Variants in CNTNAP2 observed in about 807,000 individuals in gnomAD.
CNTNAP2 encodes contactin associated protein 2, also known as contactin-associated protein-like 2.
CNTNAP2 carries 98 observed loss-of-function variants against 155.2 expected under a neutral mutation model. That is an observed-to-expected ratio of 0.63 (90% confidence interval 0.54 to 0.75). CNTNAP2 has a LOEUF of 0.75. CNTNAP2 is among the 30% of genes least tolerant of loss of function. CNTNAP2 has a pLI of 0.00. For missense variants in CNTNAP2, 1,727 were observed against 1,688.1 expected (o/e 1.02, Z -0.40); for synonymous variants, 651 against 631.2 (o/e 1.03, Z -0.47).
chr7:148,333,805 G>A (rs1313429505), intron 21 of CNTNAP2, among the ~76,000 whole-genome samples: 1 of 151,340 alleles, frequency 6.6e-6, no homozygotes, highest in Non-Finnish European at 1.5e-5. Flanking sequence ...GTGCAAAAAT[G>A]TATGTTTATC....
chr7:147,202,887 A>G (rs919686286), intron 8 of CNTNAP2, among the ~76,000 whole-genome samples: 1 of 151,510 alleles, frequency 6.6e-6, no homozygotes, highest in African/African-American at 2.4e-5. Context: ...CAATCTTTCA[A>G]GGAATAGATC....
intron 1 of CNTNAP2, among the ~76,000 whole-genome samples, chr7:146,405,633 A>G (rs1795780252): frequency 1.3e-5 from 2 of 152,228 alleles, no homozygotes; most frequent in African/African-American, 4.8e-5. Context: ...AACAGGTAAG[A>G]CAAATTAAAC....
intron 11 of CNTNAP2, among the ~76,000 whole-genome samples, chr7:147,520,861 C>A (rs1362482550): frequency 1.3e-5 from 2 of 152,158 alleles, no homozygotes; most frequent in South Asian, 2.1e-4. Context: ...TTCCGTAGAC[C>A]CTGTCCTCTG....
chr7:146,395,808 G>C (rs73738750), intron 1 of CNTNAP2, among the ~76,000 whole-genome samples: 4 of 135,996 alleles, frequency 2.9e-5, no homozygotes, highest in African/African-American at 1.1e-4. Flanking sequence ...TAGATAGATA[G>C]ATAGATAGAT....
intron 9 of CNTNAP2, among the ~76,000 whole-genome samples, chr7:147,309,074 C>A (rs965062467): frequency 2.0e-5 from 3 of 152,150 alleles, no homozygotes; most frequent in Non-Finnish European, 2.9e-5. Context: ...TAACTGTAAT[C>A]TTTTCCTTTT....
intron 13 of CNTNAP2, among the ~76,000 whole-genome samples, chr7:147,697,230 T>G (rs1220007290): frequency 6.6e-6 from 1 of 152,196 alleles, no homozygotes; most frequent in Admixed American, 6.5e-5. Context: ...TTTTTGTTCT[T>G]TCTTAGAATA....
intron 23 of CNTNAP2, among the ~76,000 whole-genome samples, 188 bp from the exon 24 acceptor site, chr7:148,415,229 G>A (rs1799953144): frequency 6.6e-6 from 1 of 152,180 alleles, no homozygotes; most frequent in South Asian, 2.1e-4. Context: ...AGTTACTCCT[G>A]TTTTTCCTGT....
At chr7:146,800,388 G>C (rs115958405) in intron 2 of CNTNAP2, among the ~76,000 whole-genome samples, 1 of 152,178 alleles carries the variant, frequency 6.6e-6, no homozygotes, top group African/African-American at 2.4e-5. Context: ...AGACCAGCTG[G>C]CTCTGACCCT....
intron 1 of CNTNAP2, among the ~76,000 whole-genome samples, chr7:146,725,224 A>G (rs1801410883): frequency 6.6e-6 from 1 of 152,134 alleles, no homozygotes; most frequent in Admixed American, 6.5e-5. Flanking sequence ...CGAATCCAGT[A>G]TTACCTCATT....
At chr7:147,950,271 G>C (rs992865224) in intron 14 of CNTNAP2, among the ~76,000 whole-genome samples, 3 of 138,502 alleles carry the variant, frequency 2.2e-5, no homozygotes, top group African/African-American at 8.1e-5. Flanking sequence ...CAGTTGGCTA[G>C]CACATCAGAT....
chr7:148,400,893 T>A (rs1487499875), intron 22 of CNTNAP2, among the ~76,000 whole-genome samples: 3 of 151,482 alleles, frequency 2.0e-5, no homozygotes, highest in Non-Finnish European at 4.4e-5. Flanking sequence ...GGCAGGAGAA[T>A]CACTTGAACC....
chr7:147,881,924 A>G, intron 13 of CNTNAP2, among the ~76,000 whole-genome samples: 1 of 152,160 alleles, frequency 6.6e-6, no homozygotes, highest in African/African-American at 2.4e-5. Flanking sequence ...GTGAGCCAAG[A>G]TTAAGCCACT....
chr7:147,528,941 T>C (rs1249332121), intron 11 of CNTNAP2, among the ~76,000 whole-genome samples: 3 of 152,126 alleles, frequency 2.0e-5, no homozygotes, highest in Non-Finnish European at 4.4e-5. Flanking sequence ...TGGGCAACCA[T>C]TAGATAAACA....
intron 13 of CNTNAP2, among the ~76,000 whole-genome samples, chr7:147,836,171 T>C (rs1798630404): frequency 6.6e-6 from 1 of 152,226 alleles, no homozygotes; most frequent in Admixed American, 6.5e-5. Flanking sequence ...TTGTTGTCAT[T>C]GTTGATTTTA....
chr7:147,244,922 TA>T (rs1372287338), intron 8 of CNTNAP2, among the ~76,000 whole-genome samples: 3 of 152,266 alleles, frequency 2.0e-5, no homozygotes, highest in African/African-American at 7.2e-5. Context: ...TCCACAACAT[TA>T]AAAAATTTAC....
chr7:147,522,530 T>C (rs1043643373), intron 11 of CNTNAP2, among the ~76,000 whole-genome samples: 2 of 151,902 alleles, frequency 1.3e-5, no homozygotes, highest in Non-Finnish European at 2.9e-5. Flanking sequence ...GCAGAGCCTA[T>C]AAATTAAAAA....
intron 4 of CNTNAP2, among the ~76,000 whole-genome samples, chr7:147,046,795 C>T (rs1799364800): frequency 6.6e-6 from 1 of 151,808 alleles, no homozygotes; most frequent in South Asian, 2.1e-4. Flanking sequence ...TTTGGGAGGC[C>T]AAGGAGGGCG....
rs576660937 is a variant in CNTNAP2 at position 147,424,982 on chromosome 7, C to T, written c.1670+29202C>T. ...ACTTCTAGGCCACCTGTTGGATGGA[C>T]TGCTGCAATAACCTTCCAGTTGATC... On this transcript the variant is annotated intron_variant, in intron 10 of 23. Transcript: ENST00000361727. Among the ~76,000 whole-genome samples the T allele has an allele frequency of 3.3e-5, 5 of 152,216 alleles. No individual in the cohort carries two copies. The South Asian group carries it at 1.0e-3, about 32-fold the overall frequency.
intron 1 of CNTNAP2, among the ~76,000 whole-genome samples, chr7:146,457,523 T>C (rs1796574496): frequency 1.1e-5 from 1 of 89,838 alleles, no homozygotes; most frequent in Non-Finnish European, 2.1e-5. Context: ...TATATATATA[T>C]ATATATATAT....
Sources: allele counts gnomAD v4.1 joint callset (sites outside exome capture counted in the v4.1 genomes callset), GRCh38; gene constraint gnomAD v4.1.1; transcripts MANE v1.5; gene names NCBI Gene and HGNC (gene_info 2026-07-23, HGNC 2026-07-21).